THSD4: variants seen among roughly 807,000 people sequenced by gnomAD.
THSD4 encodes the protein thrombospondin type 1 domain containing 4, also known as thrombospondin type-1 domain-containing protein 4.
THSD4 carries 69 observed loss-of-function variants against 119.0 expected under a neutral mutation model. The observed-to-expected ratio is 0.58, with a 90% confidence interval of 0.48 to 0.71. The LOEUF (loss-of-function observed/expected upper bound fraction) is 0.71. Among genes scored for constraint, THSD4 ranks in the 30% least tolerant of loss-of-function variants. The pLI, the probability that THSD4 is intolerant of heterozygous loss-of-function variation, is 0.00. For synonymous variants in THSD4, 524 were observed against 540.4 expected (o/e 0.97, Z 0.42); for missense variants, 1,393 against 1,391.1 (o/e 1.00, Z -0.02).
chr15:71,191,517 T>A (rs551644764), intron 3 of THSD4, among the ~76,000 whole-genome samples: 1 of 152,192 alleles, frequency 6.6e-6, no homozygotes, highest in Non-Finnish European at 1.5e-5. Context: ...AGTACATCTG[T>A]TATTCTACTT....
intron 6 of THSD4, among the ~76,000 whole-genome samples, chr15:71,359,852 A>G (rs1365216499): frequency 6.6e-6 from 1 of 152,150 alleles, no homozygotes; most frequent in Non-Finnish European, 1.5e-5. Flanking sequence ...AAGCAAACAA[A>G]AAAAACAGAG....
At chr15:71,373,274 A>G (rs2046082988) in intron 6 of THSD4, among the ~76,000 whole-genome samples, 2 of 152,230 alleles carry the variant, frequency 1.3e-5, no homozygotes, top group African/African-American at 2.4e-5. Context: ...ATAGCCCTGA[A>G]TAAGTCTGAA....
At chr15:71,647,105 G>A (rs904445033) in intron 7 of THSD4, among the ~76,000 whole-genome samples, 14 of 152,216 alleles carry the variant, frequency 9.2e-5, no homozygotes, top group African/African-American at 3.1e-4. Context: ...TTTTAAAGAA[G>A]GGACTGGTGA....
chr15:71,500,555 C>G (rs536598054), intron 7 of THSD4, among the ~76,000 whole-genome samples: 1 of 152,290 alleles, frequency 6.6e-6, no homozygotes, highest in South Asian at 2.1e-4. Context: ...ATTGCCAAAT[C>G]TAATGTCACG....
intron 6 of THSD4, among the ~76,000 whole-genome samples, chr15:71,410,774 G>A (rs1472496652): frequency 6.6e-6 from 1 of 152,200 alleles, no homozygotes; most frequent in East Asian, 1.9e-4. Context: ...GCTCATGCCT[G>A]TAATCCCAGC....
intron 7 of THSD4, among the ~76,000 whole-genome samples, chr15:71,532,856 A>G (rs1014616817): frequency 3.9e-5 from 6 of 152,196 alleles, no homozygotes; most frequent in Admixed American, 6.5e-5. Flanking sequence ...AGACCCTTGG[A>G]AGAAAACCAA....
intron 6 of THSD4, among the ~76,000 whole-genome samples, chr15:71,359,288 G>T (rs755186943): frequency 6.6e-6 from 1 of 152,150 alleles, no homozygotes; most frequent in African/African-American, 2.4e-5. Context: ...TGCATCATTC[G>T]CATCACTGTC....
At chr15:71,636,279 T>C (rs1026581573) in intron 7 of THSD4, among the ~76,000 whole-genome samples, 2 of 152,088 alleles carry the variant, frequency 1.3e-5, no homozygotes, top group East Asian at 1.9e-4. Flanking sequence ...AAAAATTAGC[T>C]GGGCATGGTG....
intron 6 of THSD4, among the ~76,000 whole-genome samples, chr15:71,301,087 TAA>T (rs766895409): frequency 6.6e-6 from 1 of 152,216 alleles, no homozygotes; most frequent in Non-Finnish European, 1.5e-5. Context: ...TCTAATTGCC[TAA>T]AATTTTTCTT....
chr15:71,249,154 A>G lies in THSD4; in HGVS notation c.912+6058A>G, dbSNP rs563543009. On this transcript the variant is annotated intron_variant, in intron 5 of 17. Transcript: ENST00000261862. ...ATGTATATACACTTATATGTGAATC[A>G]CACACATATGTATATATATGTATAC... Among the ~76,000 whole-genome samples, 4 of 152,200 alleles carry G rather than the reference A, an allele frequency of 2.6e-5. No individual in the cohort carries two copies. In the South Asian group the frequency reaches 8.3e-4, roughly 32 times the overall value.
intron 7 of THSD4, among the ~76,000 whole-genome samples, chr15:71,584,402 G>A (rs1346311886): frequency 6.6e-6 from 1 of 150,968 alleles, no homozygotes; most frequent in African/African-American, 2.4e-5. Context: ...CTAAGTAGCT[G>A]GGATTACAGG....
At chr15:71,507,800 A>G (rs2048213701) in intron 7 of THSD4, among the ~76,000 whole-genome samples, 1 of 152,190 alleles carries the variant, frequency 6.6e-6, no homozygotes. Context: ...TGCCCTCCCC[A>G]TGGAAGCAGG....
chr15:71,434,872 A>G (rs1204857908), intron 7 of THSD4, among the ~76,000 whole-genome samples: 4 of 152,168 alleles, frequency 2.6e-5, no homozygotes, highest in Non-Finnish European at 5.9e-5. Flanking sequence ...TTTTTTAAAA[A>G]ACTAAAAGCA....
intron 3 of THSD4, among the ~76,000 whole-genome samples, chr15:71,174,675 T>G (rs2043427368): frequency 7.4e-6 from 1 of 134,410 alleles, no homozygotes; most frequent in Admixed American, 7.7e-5. Context: ...AGGCTCCACC[T>G]CTGGGGGCAG....
intron 6 of THSD4, among the ~76,000 whole-genome samples, chr15:71,329,492 G>A (rs72761508): frequency 0.052 from 7,961 of 152,252 alleles, 223 homozygotes; most frequent in Non-Finnish European, 0.064. Context: ...AACGTCCTTT[G>A]CTGCCTCCTT....
intron 3 of THSD4, among the ~76,000 whole-genome samples, chr15:71,168,515 A>T (rs953695282): frequency 3.3e-5 from 5 of 152,134 alleles, no homozygotes; most frequent in African/African-American, 1.2e-4. Context: ...GGAACTAAAA[A>T]CTCATTGTCA....
At chr15:71,372,811 C>G (rs1433189739) in intron 6 of THSD4, among the ~76,000 whole-genome samples, 1 of 152,244 alleles carries the variant, frequency 6.6e-6, no homozygotes, top group African/African-American at 2.4e-5. Flanking sequence ...AGCTGTCAGA[C>G]AGGGACATTT....
rs886651037 is a variant in THSD4, at chr15:71,115,888, C to G, written c.-80+190C>G. Among the ~76,000 whole-genome samples, 155 of 152,134 alleles carry G rather than the reference C, an allele frequency of 1.0e-3. 1 individual carries two copies. Among genetic ancestry groups the G allele is most frequent in the African/African-American group, 3.6e-3 (150 of 41,566 alleles). ...TCGGGGAGCCAGCGCGCGCCTGGTC[C>G]GTGCGGACGGCTGCGCCTCCTTCTC... On this transcript the variant is annotated intron_variant, in intron 1 of 17. Coordinates refer to ENST00000261862, the MANE Select transcript of THSD4 (RefSeq NM_024817.3). This position sits in a 1 kb window ranked among gnomAD's most constrained non-coding sequence, Gnocchi z 4.4.
intron 6 of THSD4, among the ~76,000 whole-genome samples, chr15:71,264,029 C>T (rs747585904): frequency 4.6e-5 from 7 of 152,240 alleles, no homozygotes; most frequent in Non-Finnish European, 8.8e-5. Context: ...TCAAGATCTA[C>T]CCCTTGCGTG....
Sources: allele counts gnomAD v4.1 joint callset (sites outside exome capture counted in the v4.1 genomes callset), GRCh38; gene constraint gnomAD v4.1.1; non-coding constraint Gnocchi (gnomAD v3.1); transcripts MANE v1.5; gene names NCBI Gene and HGNC (gene_info 2026-07-23, HGNC 2026-07-21).